Variants in UGT1A9 observed in about 807,000 individuals in gnomAD.
UGT1A9 encodes the protein UDP-glucuronosyltransferase 1A9.
A neutral mutation model predicts 45.0 loss-of-function variants in UGT1A9; 35 were observed. The ratio of observed to expected loss-of-function variants is 0.78; its 90% CI spans 0.59 to 1.03. UGT1A9 has a LOEUF of 1.03. Ranked by LOEUF, UGT1A9 falls within the 50% of genes least tolerant of loss-of-function variation. The pLI is 0.00. For synonymous variants in UGT1A9, 278 were observed against 250.6 expected, an observed-to-expected ratio of 1.11 and a Z score of -1.03; for missense variants, 687 against 666.6, an observed-to-expected ratio of 1.03 and a Z score of -0.34.
At chr2:233,686,854 G>A (rs2074808754) in intron 1 of UGT1A9, among the ~76,000 whole-genome samples, 1 of 151,966 alleles carries the variant, frequency 6.6e-6, no homozygotes, top group African/African-American at 2.4e-5. Flanking sequence ...CCCCACCTAT[G>A]TCTTTCCTTT....
At chr2:233,718,925 C>T (rs752437022) in intron 1 of UGT1A9, 5 of 1,614,078 alleles carry the variant, frequency 3.1e-6, no homozygotes, top group Middle Eastern at 1.7e-4. Context: ...TGGTGGTGCC[C>T]ACTGATGGCA....
At chr2:233,725,198 A>C (rs1414997731) in intron 1 of UGT1A9, among the ~76,000 whole-genome samples, 7 of 86,674 alleles carry the variant, frequency 8.1e-5, no homozygotes, top group African/African-American at 6.8e-4. Flanking sequence ...AGGCAGAGGC[A>C]GAGGCAGAGG....
intron 1 of UGT1A9, among the ~76,000 whole-genome samples, chr2:233,701,754 TA>T (rs1256894666): frequency 6.6e-6 from 1 of 152,102 alleles, no homozygotes; most frequent in Admixed American, 6.5e-5. Context: ...ACTGGGTACA[TA>T]ACGAAATGAA....
intron 1 of UGT1A9, among the ~76,000 whole-genome samples, chr2:233,739,419 C>T (rs1027033873): frequency 2.0e-5 from 3 of 152,176 alleles, no homozygotes; most frequent in African/African-American, 4.8e-5. Flanking sequence ...TGAAAGCAGC[C>T]AGGACGAGGG....
rs77410236 is a variant in UGT1A9 at position 233,676,622 on chromosome 2, C to T, written c.855+3833C>T. On this transcript the variant is annotated intron_variant, in intron 1 of 4. Transcript: ENST00000354728. ...CTCCTTTGTCTCCTCCAGCCTGTGACGGTTTCTCAGACTCTCCTTGTTTTT... is the reference window on the plus strand; with the variant it reads ...CTCCTTTGTCTCCTCCAGCCTGTGATGGTTTCTCAGACTCTCCTTGTTTTT... 4.9e-3 allele frequency among the ~76,000 whole-genome samples: 741 copies of T among 152,262 alleles called. 21 individuals carry two copies. In the East Asian group the frequency reaches 0.076, roughly 16 times the overall value.
chr2:233,769,680 T>C lies in UGT1A9; in HGVS notation c.1295+1241T>C. On this transcript the variant is annotated intron_variant, in intron 4 of 4. Transcript: ENST00000354728. The surrounding 1 kb of genome is among the most constrained non-coding windows in gnomAD (Gnocchi z 4.4). The stretch of plus-strand genomic sequence containing the variant: ...CACCTTTGAGGTGCTAATGTGTGTG[T>C]GGTGGCACTGGATAAAAGATCAATG... 1 of 1,566,500 alleles carries C rather than the reference T, an allele frequency of 6.4e-7. No individual in the cohort carries two copies. The highest frequency in any genetic ancestry group is 8.7e-7 in the Non-Finnish European group (1 of 1,155,954).
chr2:233,700,547 G>A (rs949945687), intron 1 of UGT1A9, among the ~76,000 whole-genome samples: 1 of 152,060 alleles, frequency 6.6e-6, no homozygotes. Context: ...ATGAGAATAA[G>A]GGGTTATAAA....
chr2:233,693,424 G>A (rs1368569398), intron 1 of UGT1A9: 2 of 1,614,132 alleles, frequency 1.2e-6, no homozygotes, highest in East Asian at 4.5e-5. Flanking sequence ...ACTTCTTTAA[G>A]GAGAGCAAGT....
chr2:233,753,848 G>C (rs1695327702), intron 1 of UGT1A9, among the ~76,000 whole-genome samples: 1 of 152,148 alleles, frequency 6.6e-6, no homozygotes, highest in African/African-American at 2.4e-5. Context: ...GTATATCATT[G>C]ACCAACCACA....
intron 1 of UGT1A9, among the ~76,000 whole-genome samples, chr2:233,751,636 C>T (rs915046603): frequency 2.0e-5 from 3 of 152,122 alleles, no homozygotes; most frequent in African/African-American, 7.2e-5. Flanking sequence ...GTGCAGTTTC[C>T]CCCTTGCTGT....
rs757168993 is a variant in UGT1A9 at position 233,672,726 on chromosome 2, C to T, written c.792C>T (p.Pro264=). Residue 264 remains proline (P), a synonymous_variant, in exon 1 of 5, where the codon CCC becomes CCT. Coordinates refer to ENST00000354728, the MANE Select transcript of UGT1A9 (RefSeq NM_021027.3). The stretch of plus-strand genomic sequence containing the variant: ...ACTTTGTTTTGGACTATCCCAAACC[C>T]GTGATGCCCAACATGATCTTCATTG... ...RTDFVLDYPK[P]VMPNMIFIGG... is the part of the protein sequence containing the mutation. 9.3e-6 allele frequency: 15 copies of T among 1,613,748 alleles called. No individual in the cohort carries two copies. Among genetic ancestry groups the T allele is most frequent in the South Asian group, 3.3e-5 (3 of 91,060 alleles).
chr2:233,746,667 C>A (rs4663969), intron 1 of UGT1A9, among the ~76,000 whole-genome samples: 68,357 of 151,262 alleles, frequency 0.45, 16,045 homozygotes, highest in South Asian at 0.58. Context: ...GAGTTCCTAG[C>A]ATAGTAGGTA....
At chr2:233,688,515 C>T (rs953054685) in intron 1 of UGT1A9, among the ~76,000 whole-genome samples, 4 of 152,002 alleles carry the variant, frequency 2.6e-5, no homozygotes, top group Admixed American at 6.6e-5. Flanking sequence ...CAGTGAAATG[C>T]GCCTAGAGTG....
At chr2:233,753,670 G>T (rs1438239507) in intron 1 of UGT1A9, 3 of 152,198 alleles carry the variant, frequency 2.0e-5, no homozygotes, top group Admixed American at 6.5e-5. Flanking sequence ...TGTGTATGGT[G>T]CCTCACCCAA....
intron 1 of UGT1A9, among the ~76,000 whole-genome samples, chr2:233,681,569 T>G (rs1372123824): frequency 6.6e-6 from 1 of 152,046 alleles, no homozygotes; most frequent in African/African-American, 2.4e-5. Flanking sequence ...AAATTTTTCT[T>G]TGTGACAAAT....
At chr2:233,755,161 C>T (rs1553619056) in intron 1 of UGT1A9, 1 of 1,292,236 alleles carries the variant, frequency 7.7e-7, no homozygotes, top group Non-Finnish European at 1.0e-6. Flanking sequence ...TCCCTGTCCT[C>T]GGGGTTTTTG....
rs575244143 is a variant in UGT1A9, at chr2:233,730,709, C to T, written c.856-36325C>T. Among the ~76,000 whole-genome samples, 89 of 152,156 alleles carry T rather than the reference C, an allele frequency of 5.8e-4. 1 individual carries two copies. The highest frequency in any genetic ancestry group is 6.8e-3 in the Middle Eastern group (2 of 294). ...TCAAATGATTCTTCTACTTGGAATG[C>T]TGAAATTATCAAGAAATGGCGGAAG... On this transcript the variant is annotated intron_variant, in intron 1 of 4. Coordinates refer to ENST00000354728, the MANE Select transcript of UGT1A9 (RefSeq NM_021027.3).
At chr2:233,754,354 C>G in intron 1 of UGT1A9, 1 of 263,180 alleles carries the variant, frequency 3.8e-6, no homozygotes, top group Admixed American at 5.0e-5. Flanking sequence ...AAATTGCATA[C>G]AGATATTTAC....
At chr2:233,712,842 C>T (rs11689628) in intron 1 of UGT1A9, 42,041 of 1,510,292 alleles carry the variant, frequency 0.028, 621 homozygotes, top group African/African-American at 0.045. Flanking sequence ...TATAGATTAA[C>T]GGGTAATAAG....
Sources: allele counts gnomAD v4.1 joint callset (sites outside exome capture counted in the v4.1 genomes callset), GRCh38; gene constraint gnomAD v4.1.1; non-coding constraint Gnocchi (gnomAD v3.1); transcripts MANE v1.5; gene names NCBI Gene and HGNC (gene_info 2026-07-23, HGNC 2026-07-21).